SSBP2: variants seen among roughly 807,000 people sequenced by gnomAD.
SSBP2 encodes single stranded DNA binding protein 2.
In SSBP2, 17 loss-of-function variants were observed where a neutral mutation model predicts 61.8. That is an observed-to-expected ratio of 0.28 (90% CI 0.19 to 0.41). The LOEUF (loss-of-function observed/expected upper bound fraction) is 0.41. Ranked by LOEUF, SSBP2 falls within the 10% of genes least tolerant of loss-of-function variation. The pLI, the probability that SSBP2 is intolerant of heterozygous loss-of-function variation, is 1.00. For synonymous variants in SSBP2, 139 were observed against 141.3 expected, an observed-to-expected ratio of 0.98 and a Z score of 0.12; for missense variants, 310 against 458.7, an observed-to-expected ratio of 0.68 and a Z score of 2.96.
At chr5:81,552,961 G>A (rs890049156) in intron 4 of SSBP2, among the ~76,000 whole-genome samples, 1 of 152,188 alleles carries the variant, frequency 6.6e-6, no homozygotes, top group Non-Finnish European at 1.5e-5. Context: ...CACAGCTTCT[G>A]AGGGAGGATA....
chr5:81,495,206 C>G (rs1001143870), intron 5 of SSBP2, among the ~76,000 whole-genome samples: 43 of 152,072 alleles, frequency 2.8e-4, no homozygotes, highest in African/African-American at 1.0e-3. Context: ...AGGTCCCAGG[C>G]CCCTTAATGA....
chr5:81,425,982 A>AT (rs1761926991), intron 16 of SSBP2, among the ~76,000 whole-genome samples: 9 of 152,238 alleles, frequency 5.9e-5, no homozygotes. Flanking sequence ...TAAAAGGCAG[A>AT]CTGCTCAAAA....
In SSBP2 at chr5:81,419,010, C is replaced by T. The variant is rs920410078; in HGVS notation, c.*1494G>A. ...ATCACAATTTTAACACAAAGGATCA[C>T]CCAGTTATCTTTCAGAGTCTAAAAT... On this transcript the variant is annotated 3_prime_UTR_variant, in exon 17 of 17. Transcript: ENST00000320672. The T allele has an allele frequency of 6.6e-6, 1 of 152,140 alleles. No homozygotes were observed. Among genetic ancestry groups the T allele is most frequent in the African/African-American group, 2.4e-5 (1 of 41,420 alleles). The allele number at this position is 152,140 out of a possible 1,614,324, so 9.4% of individuals were successfully genotyped here.
chr5:81,578,156 CAT>C (rs1337284825), intron 4 of SSBP2, among the ~76,000 whole-genome samples: 2 of 152,004 alleles, frequency 1.3e-5, no homozygotes, highest in African/African-American at 2.4e-5. Context: ...TAATTATTCA[CAT>C]AGATTCATAT....
In SSBP2 at chr5:81,641,406, T is replaced by A. The variant is rs190969336; in HGVS notation, c.136-4788A>T. Among the ~76,000 whole-genome samples, 7 of 152,196 alleles carry A rather than the reference T, an allele frequency of 4.6e-5. No individual in the cohort carries two copies. The South Asian group carries it at 6.2e-4, about 14-fold the overall frequency. On this transcript the variant is annotated intron_variant, in intron 2 of 16. Transcript: ENST00000320672. ...CATGCTCACAATATTTTTTACTACA[T>A]AGTATTCATCCTTCTCTCCTTAAAT...
chr5:81,502,469 C>T (rs959998449), intron 5 of SSBP2, among the ~76,000 whole-genome samples: 1 of 152,128 alleles, frequency 6.6e-6, no homozygotes, highest in African/African-American at 2.4e-5. Flanking sequence ...TTGTTGATGT[C>T]ATCCAGGCTC....
At chr5:81,424,960 A>G (rs1162065813) in intron 16 of SSBP2, among the ~76,000 whole-genome samples, 1 of 152,254 alleles carries the variant, frequency 6.6e-6, no homozygotes, top group Non-Finnish European at 1.5e-5. Context: ...TTTCAAAACT[A>G]TTCTGAGTCT....
intron 1 of SSBP2, among the ~76,000 whole-genome samples, chr5:81,715,991 A>G (rs1755140480): frequency 6.6e-6 from 1 of 151,916 alleles, no homozygotes; most frequent in African/African-American, 2.4e-5. Context: ...CAGGAGGTGG[A>G]GGTTGCAATG....
intron 4 of SSBP2, among the ~76,000 whole-genome samples, chr5:81,612,575 C>T (rs1378770533): frequency 2.0e-5 from 3 of 152,084 alleles, no homozygotes; most frequent in East Asian, 3.9e-4. Context: ...ATTATGCCTC[C>T]AGTATTTCTT....
At chr5:81,669,245 T>C (rs1751396493) in intron 1 of SSBP2, among the ~76,000 whole-genome samples, 1 of 152,130 alleles carries the variant, frequency 6.6e-6, no homozygotes, top group East Asian at 1.9e-4. Flanking sequence ...GAATGCAAAA[T>C]GGTCCAGCCA....
chr5:81,736,630 A>G (rs1756644376), intron 1 of SSBP2, among the ~76,000 whole-genome samples: 1 of 152,114 alleles, frequency 6.6e-6, no homozygotes, highest in African/African-American at 2.4e-5. Flanking sequence ...GCTTATCTGT[A>G]TCTCTAAATT....
chr5:81,570,186 A>C (rs917802008), intron 4 of SSBP2, among the ~76,000 whole-genome samples: 1 of 152,182 alleles, frequency 6.6e-6, no homozygotes, highest in African/African-American at 2.4e-5. Flanking sequence ...ATTTGCTAAC[A>C]GTTAACAAAT....
intron 3 of SSBP2, among the ~76,000 whole-genome samples, chr5:81,628,880 T>C (rs1333945674): frequency 6.6e-6 from 1 of 152,222 alleles, no homozygotes; most frequent in Non-Finnish European, 1.5e-5. Context: ...CTGCTTATTT[T>C]GCATATGTCA....
Position 81,588,402 on chromosome 5 carries a change from G to T in SSBP2, c.282+27071C>A, listed in dbSNP as rs909675007. Among the ~76,000 whole-genome samples the T allele has an allele frequency of 3.9e-5, 6 of 152,224 alleles. No homozygotes were observed. The East Asian group carries it at 1.2e-3, about 29-fold the overall frequency. On this transcript the variant is annotated intron_variant, in intron 4 of 16. Transcript: ENST00000320672. ...ACTTACCCAAAGTTACTACTAAATT[G>T]TAGAGATGGTACCTGAACCTAGGTC...
At chr5:81,750,526 A>C (rs979308965) in intron 1 of SSBP2, among the ~76,000 whole-genome samples, 7 of 125,688 alleles carry the variant, frequency 5.6e-5, no homozygotes, top group South Asian at 2.8e-4. Flanking sequence ...GCCCGCCCCG[A>C]CCCCGGCCCC....
At chr5:81,587,758 C>CGT (rs1417623537) in intron 4 of SSBP2, among the ~76,000 whole-genome samples, 4 of 134,154 alleles carry the variant, frequency 3.0e-5, no homozygotes, top group African/African-American at 1.1e-4. Context: ...CACACACACG[C>CGT]GCGCGCACAC....
At chr5:81,581,179 G>A (rs930967314) in intron 4 of SSBP2, among the ~76,000 whole-genome samples, 1 of 152,168 alleles carries the variant, frequency 6.6e-6, no homozygotes, top group Non-Finnish European at 1.5e-5. Flanking sequence ...ACATAGAGAA[G>A]AAGAACAGTG....
At chr5:81,675,814 A>C (rs563607426) in intron 1 of SSBP2, among the ~76,000 whole-genome samples, 1 of 152,098 alleles carries the variant, frequency 6.6e-6, no homozygotes, top group East Asian at 1.9e-4. Flanking sequence ...ATCACTCCCT[A>C]CTTGTTCTCC....
intron 16 of SSBP2, among the ~76,000 whole-genome samples, chr5:81,421,041 T>A (rs1335594996): frequency 6.6e-6 from 1 of 152,152 alleles, no homozygotes; most frequent in Non-Finnish European, 1.5e-5. Flanking sequence ...ACACAGAAAG[T>A]GCTCAGCAAG....
Sources: allele counts gnomAD v4.1 joint callset (sites outside exome capture counted in the v4.1 genomes callset), GRCh38; gene constraint gnomAD v4.1.1; transcripts MANE v1.5; gene names NCBI Gene and HGNC (gene_info 2026-07-23, HGNC 2026-07-21).